MYBBP1A: variants seen among roughly 807,000 people sequenced by gnomAD.
MYBBP1A encodes MYB binding protein 1a.
A neutral mutation model predicts 136.3 loss-of-function variants in MYBBP1A; 147 were observed. The observed-to-expected ratio is 1.08, with a 90% confidence interval of 0.94 to 1.24. The LOEUF (loss-of-function observed/expected upper bound fraction) is 1.24. Ranked by LOEUF, MYBBP1A falls within the 50% of genes most tolerant of loss-of-function variation. The probability of loss-of-function intolerance (pLI) is 0.00; values close to 1 mark genes in which losing one functional copy is unlikely to be tolerated. For missense variants in MYBBP1A, 2,060 were observed against 1,727.4 expected (o/e 1.19, Z -3.41); for synonymous variants, 947 against 735.8 (o/e 1.29, Z -4.65).
At position 4,549,312 on chromosome 17, in the gene MYBBP1A, G is replaced by GAA; in HGVS notation, c.1430+18_1430+19dup. 1 of 1,604,476 alleles carries GAA rather than the reference G, an allele frequency of 6.2e-7. No homozygotes were observed. Among genetic ancestry groups the GAA allele is most frequent in the Non-Finnish European group, 8.5e-7 (1 of 1,177,290 alleles). On this transcript the variant is annotated intron_variant, in intron 10 of 25. Coordinates refer to ENST00000254718, the MANE Select transcript of MYBBP1A (RefSeq NM_014520.4). ...TGGCCACACGCCCATGGGAAGCTGG[G>GAA]AATCCAGCACAGCTCGCACCTGGCC...
intron 13 of MYBBP1A, among the ~76,000 whole-genome samples, chr17:4,547,478 G>A (rs1314683572): frequency 6.6e-6 from 1 of 152,166 alleles, no homozygotes; most frequent in Non-Finnish European, 1.5e-5. Flanking sequence ...GCAAGCAAGA[G>A]ACCCACCTAC....
At position 4,542,728 on chromosome 17, in the gene MYBBP1A, A is replaced by T; in HGVS notation, c.2906T>A (p.Leu969Ter). ...CACCCGGGTCACCAGGTTCAAGTCC[A>T]AGCAGCTGGCAGCCTAGGCCAGGGG... is the stretch of plus-strand genomic sequence containing the variant. ...MPTGPQAASC[L>*]DLNLVTRVYS... is the part of the protein sequence containing the mutation. Residue 969 changes from leucine (L) to a stop codon, truncating the protein, a stop_gained, in exon 21 of 26, where the codon TTG (leucine) becomes TAG (stop). Transcript: ENST00000254718. LOFTEE classifies it high-confidence loss of function. The T allele has an allele frequency of 1.9e-6, 3 of 1,613,446 alleles. No individual in the cohort carries two copies. The highest frequency in any genetic ancestry group is 2.5e-6 in the Non-Finnish European group (3 of 1,179,916).
At chr17:4,547,255 C>T (rs1435705284) in intron 13 of MYBBP1A, among the ~76,000 whole-genome samples, 7 of 152,184 alleles carry the variant, frequency 4.6e-5, no homozygotes, top group Admixed American at 4.6e-4. Flanking sequence ...CTGCAGCCTC[C>T]TCTGTCCAAG....
chr17:4,546,595 T>C (rs1233908677), intron 13 of MYBBP1A, among the ~76,000 whole-genome samples: 1 of 152,222 alleles, frequency 6.6e-6, no homozygotes, highest in East Asian at 1.9e-4. Context: ...TCTAGATTAT[T>C]CCCTCCATGC....
At position 4,550,182 on chromosome 17, in the gene MYBBP1A, T is replaced by A. The variant is rs748182493; in HGVS notation, c.1195A>T (p.Ser399Cys). The change falls in exon 9 of 26, where the codon AGC (serine) becomes TGC (cysteine). Residue 399 changes from serine (S) to cysteine (C), a missense_variant. Physicochemically the swap from Ser to Cys is moderately radical, Grantham distance 112. Coordinates refer to ENST00000254718, the MANE Select transcript of MYBBP1A (RefSeq NM_014520.4). Reference sequence around the variant, plus strand: ...ACATAGCCCTGCAGGGCCGGAGGGCTCAGGAACCGCACGACCCGCCAGAAA... The same window carrying A: ...ACATAGCCCTGCAGGGCCGGAGGGCACAGGAACCGCACGACCCGCCAGAAA... Reference protein sequence around the residue: ...PTFWRVVRFLSPPALQGYVAW... With the variant: ...PTFWRVVRFLCPPALQGYVAW... The A allele has an allele frequency of 2.5e-6, 4 of 1,613,746 alleles. 1 individual carries two copies. The South Asian group carries it at 4.4e-5, about 18-fold the overall frequency.
Position 4,542,011 on chromosome 17 carries a change from G to A in MYBBP1A, c.3088-120C>T, listed in dbSNP as rs1199454560. 5 of 697,408 alleles carry A rather than the reference G, an allele frequency of 7.2e-6. No individual in the cohort carries two copies. In the Admixed American group the frequency reaches 1.0e-4, roughly 14 times the overall value. The allele number at this position is 697,408 out of a possible 1,614,324, so 43.2% of individuals were successfully genotyped here. ...CTGTGGGCAGCGTGTGAGGCTGCCT[G>A]CTGCTCTGGGCTCTGTGACTACCTG... is the stretch of plus-strand genomic sequence containing the variant. On this transcript the variant is annotated intron_variant, in intron 22 of 25. Coordinates refer to ENST00000254718, the MANE Select transcript of MYBBP1A (RefSeq NM_014520.4).
At chr17:4,540,169 GTCCT>G (rs2144412723) in intron 25 of MYBBP1A, among the ~76,000 whole-genome samples, 175 bp downstream of exon 25, 1 of 130,376 alleles carries the variant, frequency 7.7e-6, no homozygotes, top group Non-Finnish European at 1.6e-5. Context: ...TCCTGCGAGG[GTCCT>G]GTGAGGGTCC....
intron 18 of MYBBP1A, 52 bp from the exon 19 acceptor site, chr17:4,544,698 G>T: frequency 6.7e-7 from 1 of 1,503,372 alleles, no homozygotes; most frequent in African/African-American, 1.4e-5. Context: ...ACAGGGAGGC[G>T]GGGGTGGGCG....
intron 15 of MYBBP1A, 62 bp from the exon 16 acceptor site, chr17:4,545,407 T>A: frequency 6.3e-7 from 1 of 1,594,928 alleles, no homozygotes; most frequent in Non-Finnish European, 8.6e-7. Flanking sequence ...CAGGCCCCAC[T>A]CAGCCTTGAC....
At chr17:4,549,698 T>G (rs1319975049) in intron 9 of MYBBP1A, among the ~76,000 whole-genome samples, 1 of 150,006 alleles carries the variant, frequency 6.7e-6, no homozygotes, top group African/African-American at 2.5e-5. Context: ...ATCACTTGAT[T>G]GCTTGAACCC....
chr17:4,544,475 A>AC lies in MYBBP1A; in HGVS notation c.2639+13dup. On this transcript the variant is annotated intron_variant, in intron 19 of 25. Transcript: ENST00000254718. ...TGCCGGCCACACCTGCCCGCCCTGC[A>AC]CCCCCGTGCTCACGTGAAGATGCGC... 2 of 1,546,022 alleles carry AC rather than the reference A, an allele frequency of 1.3e-6. No homozygotes were observed. The highest frequency in any genetic ancestry group is 1.7e-6 in the Non-Finnish European group (2 of 1,147,058).
At chr17:4,547,632 A>G (rs569713786) in intron 13 of MYBBP1A, 6 of 285,076 alleles carry the variant, frequency 2.1e-5, no homozygotes, top group Middle Eastern at 9.7e-4. Context: ...CCGTTGCCAG[A>G]AGGTGTTCCC....
chr17:4,547,334 C>T (rs1183712849), intron 13 of MYBBP1A, among the ~76,000 whole-genome samples: 1 of 152,192 alleles, frequency 6.6e-6, no homozygotes, highest in Non-Finnish European at 1.5e-5. Context: ...GACTCTGCTG[C>T]TATCAAAGGC....
At chr17:4,554,358 C>T (rs1907834883) in intron 2 of MYBBP1A, 80 bp from the exon 3 acceptor site, 1 of 1,238,000 alleles carries the variant, frequency 8.1e-7, no homozygotes, top group Non-Finnish European at 1.2e-6. Context: ...AACCTCCCTT[C>T]CCCCTTCAAC....
At chr17:4,546,326 C>A (rs1907009053) in intron 13 of MYBBP1A, among the ~76,000 whole-genome samples, 1 of 152,194 alleles carries the variant, frequency 6.6e-6, no homozygotes, top group Non-Finnish European at 1.5e-5. Flanking sequence ...ACCATGTTGG[C>A]CAGGCTGGTC....
In MYBBP1A at chr17:4,551,740, G is replaced by A; in HGVS notation, c.1023+140C>T. 8.2e-6 allele frequency: 6 copies of A among 727,646 alleles called. No individual in the cohort carries two copies. In the South Asian group the frequency reaches 9.7e-5, roughly 12 times the overall value. The allele number at this position is 727,646 out of a possible 1,614,324, so 45.1% of individuals were successfully genotyped here. A position where few individuals can be genotyped will look rare whatever the true frequency, so the allele number is the denominator to read the frequency against. ...AAAAAAATTTGTCCGAGGGAAAGGG[G>A]TTCAGGCAGCTCACTACCCAGACGG... On this transcript the variant is annotated intron_variant, in intron 8 of 25. Coordinates refer to ENST00000254718, the MANE Select transcript of MYBBP1A (RefSeq NM_014520.4).
At chr17:4,547,887 G>C in intron 13 of MYBBP1A, 71 bp downstream of exon 13, 1 of 1,305,058 alleles carries the variant, frequency 7.7e-7, no homozygotes, top group Non-Finnish European at 1.0e-6. Flanking sequence ...GCCCTCAAAA[G>C]CCTCTCGGTA....
Position 4,544,440 on chromosome 17 carries a change from G to A in MYBBP1A, c.2639+49C>T, listed in dbSNP as rs567255100. The A allele has an allele frequency of 3.5e-5, 54 of 1,538,508 alleles. No homozygotes were observed. In the East Asian group the frequency reaches 4.2e-4, roughly 12 times the overall value. On this transcript the variant is annotated intron_variant, in intron 19 of 25. Transcript: ENST00000254718. ...AAGCCTAGAGCTCTGGCTCTCCTGCGCCTGGGGGCTGCCGGCCACACCTGC... is the reference window on the plus strand; with the variant it reads ...AAGCCTAGAGCTCTGGCTCTCCTGCACCTGGGGGCTGCCGGCCACACCTGC...
chr17:4,542,263 TGTGTGTTCA>T lies in MYBBP1A; in HGVS notation c.3087+192_3087+200del, dbSNP rs1906505396. On this transcript the variant is annotated intron_variant, in intron 22 of 25. Transcript: ENST00000254718. Reference sequence around the variant, plus strand: ...AGGCTGGCCCTGCCCCCTCAGCTCCTGTGTGTTCACTGTGTGGCAGGGGCCAGGGCACGG... The same window carrying T: ...AGGCTGGCCCTGCCCCCTCAGCTCCTCTGTGTGGCAGGGGCCAGGGCACGG... 3 of 629,808 alleles carry T rather than the reference TGTGTGTTCA, an allele frequency of 4.8e-6. No homozygotes were observed. In the Admixed American group the frequency reaches 9.3e-5, roughly 19 times the overall value. 39.0% of individuals were successfully genotyped at this position (629,808 alleles called of 1,614,324 possible). A position where few individuals can be genotyped will look rare whatever the true frequency, so the allele number is the denominator to read the frequency against.
Sources: gnomAD v4.1 joint callset for allele counts (sites outside exome capture counted in the v4.1 genomes callset) on GRCh38, gnomAD v4.1.1 for gene constraint, MANE v1.5 for transcripts, NCBI Gene and HGNC (gene_info 2026-07-23, HGNC 2026-07-21) for gene names.